Variants in SLC5A10 observed in about 807,000 individuals in gnomAD.
SLC5A10 encodes the protein solute carrier family 5 member 10.
A neutral mutation model predicts 68.9 loss-of-function variants in SLC5A10; 55 were observed. The observed-to-expected ratio is 0.80, with a 90% CI of 0.64 to 1.00. The LOEUF (loss-of-function observed/expected upper bound fraction) is 1.00, where lower values mean the gene tolerates loss of function less well. Among genes scored for constraint, SLC5A10 ranks in the 50% least tolerant of loss-of-function variants. SLC5A10 has a pLI of 0.00. For missense variants in SLC5A10, 732 were observed against 819.3 expected (o/e 0.89, Z 1.30); for synonymous variants, 344 against 344.8 (o/e 1.00, Z 0.02).
rs1171068255 is a variant in SLC5A10 at position 18,971,659 on chromosome 17, A to G, written c.846+441A>G. On this transcript the variant is annotated intron_variant, in intron 8 of 14. Transcript: ENST00000395645. This position sits in a 1 kb window ranked among gnomAD's most constrained non-coding sequence, Gnocchi z 5.5. Reference sequence around the variant, plus strand: ...TTCTGGTAGAGCTCTGGACGCTGTCAGCAGCAGAGCGGTACCTAGGGGGTC... The same window carrying G: ...TTCTGGTAGAGCTCTGGACGCTGTCGGCAGCAGAGCGGTACCTAGGGGGTC... 3.1e-6 allele frequency: 5 copies of G among 1,613,270 alleles called. No homozygotes were observed. The East Asian group carries it at 8.9e-5, about 29-fold the overall frequency.
At position 18,960,625 on chromosome 17, in the gene SLC5A10, G is replaced by C. The variant is rs759698165; in HGVS notation, c.426G>C (p.Leu142=). Reference sequence around the variant, plus strand: ...GCATGTACCTGTCTGTCCTGTCCCTGCTACTGTCTGTCTTCACCAAGATAT... The same window carrying C: ...GCATGTACCTGTCTGTCCTGTCCCTCCTACTGTCTGTCTTCACCAAGATAT... The part of the protein sequence containing the change: ...RIRMYLSVLS[L]LLSVFTKISL... Residue 142 remains leucine (L), a synonymous_variant, in exon 5 of 15, where the codon CTG becomes CTC. Transcript: ENST00000395645. 1.9e-6 allele frequency: 3 copies of C among 1,614,114 alleles called. No individual in the cohort carries two copies. In the South Asian group the frequency reaches 3.3e-5, roughly 18 times the overall value.
At chr17:19,005,356 G>A (rs959823370) in intron 9 of SLC5A10, among the ~76,000 whole-genome samples, 1 of 152,202 alleles carries the variant, frequency 6.6e-6, no homozygotes, top group Admixed American at 6.5e-5. Context: ...CTGTGGGCTG[G>A]GGTCAGGCCC....
intron 1 of SLC5A10, among the ~76,000 whole-genome samples, chr17:18,954,481 C>T (rs1278670772): frequency 1.3e-5 from 2 of 152,222 alleles, no homozygotes; most frequent in Non-Finnish European, 2.9e-5. Flanking sequence ...GCAGGCTAGG[C>T]TGGCCCAGCT....
At chr17:18,987,530 G>T (rs946166347) in intron 9 of SLC5A10, among the ~76,000 whole-genome samples, 4 of 152,212 alleles carry the variant, frequency 2.6e-5, no homozygotes, top group Non-Finnish European at 5.9e-5. Flanking sequence ...CTGGGCAGAA[G>T]AGCGTTGGAC....
intron 9 of SLC5A10, among the ~76,000 whole-genome samples, chr17:18,993,992 G>A (rs1357668435): frequency 1.3e-5 from 2 of 152,166 alleles, no homozygotes; most frequent in African/African-American, 4.8e-5. Flanking sequence ...CATCCCACCA[G>A]ACCCACAGCT....
chr17:18,981,832 C>A (rs1044781248), intron 9 of SLC5A10, among the ~76,000 whole-genome samples: 5 of 152,180 alleles, frequency 3.3e-5, no homozygotes, highest in African/African-American at 4.8e-5. Context: ...GGCCACGGCC[C>A]AGGACAATTA....
chr17:19,006,816 T>A (rs2043902808), intron 9 of SLC5A10, among the ~76,000 whole-genome samples: 1 of 152,222 alleles, frequency 6.6e-6, no homozygotes, highest in Non-Finnish European at 1.5e-5. Context: ...TTTTCCCACT[T>A]AGCATAATTC....
At chr17:18,973,208 C>T (rs1015186629) in intron 8 of SLC5A10, among the ~76,000 whole-genome samples, 2 of 152,260 alleles carry the variant, frequency 1.3e-5, no homozygotes, top group African/African-American at 4.8e-5. Context: ...CACCTCCTCC[C>T]AATGCAGCAT....
intron 9 of SLC5A10, among the ~76,000 whole-genome samples, chr17:19,009,700 C>T (rs2043974107): frequency 6.6e-6 from 1 of 152,130 alleles, no homozygotes; most frequent in Non-Finnish European, 1.5e-5. Context: ...ACTCAGTCAA[C>T]AGACACTGGC....
At chr17:18,966,687 T>C (rs2042714272) in intron 5 of SLC5A10, among the ~76,000 whole-genome samples, 1 of 147,104 alleles carries the variant, frequency 6.8e-6, no homozygotes, top group Admixed American at 7.1e-5. Context: ...GAGGTGGAAG[T>C]TGCAGTGAGC....
In SLC5A10 at chr17:19,020,603, G is replaced by T; in HGVS notation, c.*172G>T. ...GCGGGAGCCCTGAAAAATTAGGGGG[G>T]AAATGGGAGAAAATAATGTGACATT... On this transcript the variant is annotated 3_prime_UTR_variant, in exon 15 of 15. Coordinates refer to ENST00000395645, the MANE Select transcript of SLC5A10 (RefSeq NM_001042450.4). 1.7e-6 allele frequency: 1 copy of T among 596,736 alleles called. No homozygotes were observed. The allele number at this position is 596,736 out of a possible 1,614,324, so 37.0% of individuals were successfully genotyped here.
chr17:19,017,998 G>C lies in SLC5A10; in HGVS notation c.1242-1425G>C, dbSNP rs535227828. 6.5e-6 allele frequency: 1 copy of C among 153,266 alleles called. No homozygotes were observed. The highest frequency in any genetic ancestry group is 2.4e-5 in the African/African-American group (1 of 41,584). 9.5% of individuals were successfully genotyped at this position (153,266 alleles called of 1,614,324 possible). A position where few individuals can be genotyped will look rare whatever the true frequency, so the allele number is the denominator to read the frequency against. The stretch of plus-strand genomic sequence containing the variant: ...GTGTTGGGCGGGAGAGCTGTGTGCA[G>C]AGGGCGGGGTGGGCAGGCGTTAATG... On this transcript the variant is annotated intron_variant, in intron 11 of 14. Transcript: ENST00000395645. This position sits in a 1 kb window ranked among gnomAD's most constrained non-coding sequence, Gnocchi z 5.6.
At position 19,019,596 on chromosome 17, in the gene SLC5A10, G is replaced by T. The variant is rs760733901; in HGVS notation, c.1410+5G>T. The T allele has an allele frequency of 1.2e-5, 20 of 1,610,428 alleles. No homozygotes were observed. Among genetic ancestry groups the T allele is most frequent in the Non-Finnish European group, 1.5e-5 (18 of 1,179,684 alleles). On this transcript the variant is annotated splice_donor_5th_base_variant and intron_variant, in intron 12 of 14. Transcript: ENST00000395645. ...TGGCGACGTGCCAACGAGCAGGTGGGCGTCGGCGGTCTGCTCTCCCTGGGG... is the reference window on the plus strand; with the variant it reads ...TGGCGACGTGCCAACGAGCAGGTGGTCGTCGGCGGTCTGCTCTCCCTGGGG...
intron 7 of SLC5A10, 133 bp from the exon 8 acceptor site, chr17:18,970,880 G>A: frequency 1.3e-6 from 1 of 749,256 alleles, no homozygotes; most frequent in South Asian, 1.7e-5. Flanking sequence ...TCCAAACACT[G>A]GGAAAGATGA....
At chr17:18,985,118 G>A (rs769055445) in intron 9 of SLC5A10, among the ~76,000 whole-genome samples, 2 of 152,220 alleles carry the variant, frequency 1.3e-5, no homozygotes, top group Admixed American at 6.5e-5. Context: ...AAAGAAAGCC[G>A]CTCAGCACTC....
chr17:18,969,982 G>A (rs2042801380), intron 7 of SLC5A10: 1 of 152,632 alleles, frequency 6.6e-6, no homozygotes, highest in South Asian at 2.1e-4. Context: ...GAGCCAGGAG[G>A]ATCCCTCAGA....
intron 1 of SLC5A10, among the ~76,000 whole-genome samples, chr17:18,954,503 G>C (rs893401980): frequency 6.6e-6 from 1 of 152,202 alleles, no homozygotes; most frequent in African/African-American, 2.4e-5. Context: ...GGAGCGGCTG[G>C]CAAGAGAGCA....
intron 8 of SLC5A10, among the ~76,000 whole-genome samples, chr17:18,973,629 G>C (rs2042908423): frequency 6.6e-6 from 1 of 152,298 alleles, no homozygotes; most frequent in South Asian, 2.1e-4. Context: ...CTGTGGCCAG[G>C]GTAGCCCTCA....
rs771065426 is a variant in SLC5A10 at position 19,003,859 on chromosome 17, C to G, written c.983-9551C>G. Reference sequence around the variant, plus strand: ...TCTCCAGGATGCGCTTGAGCTCCAGCTCCGAGAGGAAGTCTCGGATGTTCT... The same window carrying G: ...TCTCCAGGATGCGCTTGAGCTCCAGGTCCGAGAGGAAGTCTCGGATGTTCT... On this transcript the variant is annotated intron_variant, in intron 9 of 14. Coordinates refer to ENST00000395645, the MANE Select transcript of SLC5A10 (RefSeq NM_001042450.4). The surrounding 1 kb of genome is among the most constrained non-coding windows in gnomAD (Gnocchi z 4.5). 3 of 1,613,060 alleles carry G rather than the reference C, an allele frequency of 1.9e-6. No individual in the cohort carries two copies. Among genetic ancestry groups the G allele is most frequent in the Non-Finnish European group, 2.5e-6 (3 of 1,179,944 alleles).
Sources: allele counts gnomAD v4.1 joint callset (sites outside exome capture counted in the v4.1 genomes callset), GRCh38; gene constraint gnomAD v4.1.1; non-coding constraint Gnocchi (gnomAD v3.1); transcripts MANE v1.5; gene names NCBI Gene and HGNC (gene_info 2026-07-23, HGNC 2026-07-21).